ZFP64: variants seen among roughly 807,000 people sequenced by gnomAD.
ZFP64 encodes ZFP64 zinc finger protein.
Under a neutral mutation model 51.6 loss-of-function variants are expected in ZFP64, and 14 were observed. The observed-to-expected ratio is 0.27, with a 90% CI of 0.18 to 0.42. The LOEUF is 0.42. Ranked by LOEUF, ZFP64 falls within the 10% of genes least tolerant of loss-of-function variation. The pLI is 1.00. For synonymous variants in ZFP64, 375 were observed against 361.4 expected (o/e 1.04, Z -0.43); for missense variants, 754 against 906.8 (o/e 0.83, Z 2.16).
intron 5 of ZFP64, among the ~76,000 whole-genome samples, chr20:52,137,773 A>G (rs752413512): frequency 1.3e-5 from 2 of 152,152 alleles, no homozygotes; most frequent in Admixed American, 6.5e-5. Flanking sequence ...ATGAAGTCCA[A>G]AAGCTTCCTC....
chr20:52,124,645 C>T (rs1979360830), intron 5 of ZFP64, among the ~76,000 whole-genome samples: 1 of 151,790 alleles, frequency 6.6e-6, no homozygotes, highest in Non-Finnish European at 1.5e-5. Context: ...GGTCTTGCTC[C>T]ATCACCCAGC....
chr20:52,187,106 C>A (rs1204809987), intron 1 of ZFP64, 35 bp from the exon 2 acceptor site: 2 of 1,581,184 alleles, frequency 1.3e-6, no homozygotes, highest in Non-Finnish European at 1.7e-6. Flanking sequence ...CGGATTAATT[C>A]CAAACAGCTT....
rs763344719 is a variant in ZFP64, at chr20:52,152,175, G to A, written c.2017C>T (p.Leu673Phe). The A allele has an allele frequency of 6.2e-7, 1 of 1,614,148 alleles. No homozygotes were observed. The highest frequency in any genetic ancestry group is 1.7e-5 in the Admixed American group (1 of 60,034). The part of the protein sequence containing the change: ...IIQGAAHPAL[L>F]CPADSIPD ...TCTGGAATGGAGTCGGCGGGACAGA[G>A]CAAAGCTGGATGGGCTGCCCCTTGA... Residue 673 changes from leucine (L) to phenylalanine (F), a missense_variant, in exon 6 of 6, where the codon CTC becomes TTC. By Grantham distance (22) the Leu-to-Phe change is conservative. Transcript: ENST00000216923.
rs11469696 is a variant in ZFP64 at position 52,161,450 on chromosome 20, C to CTTTTTTTTTTTT, written c.512-1088_512-1077dup. On this transcript the variant is annotated intron_variant, in intron 4 of 5. Transcript: ENST00000216923. ...CCCAGGACCGTCTTGTGATTGCTTTCTTTTTTTTTTTTTTTTTTTTTGCCA... is the reference window on the plus strand; with the variant it reads ...CCCAGGACCGTCTTGTGATTGCTTTCTTTTTTTTTTTTTTTTTTTTTTTTTTTTTTTTTGCCA... 5.6e-4 allele frequency among the ~76,000 whole-genome samples: 64 copies of CTTTTTTTTTTTT among 115,180 alleles called. 1 individual carries two copies. Among genetic ancestry groups the CTTTTTTTTTTTT allele is most frequent in the African/African-American group, 2.0e-3 (61 of 30,034 alleles). The allele number at this position is 115,180 out of a possible 152,430, so 75.6% of individuals were successfully genotyped here.
intron 2 of ZFP64, among the ~76,000 whole-genome samples, chr20:52,178,908 C>T (rs772188578): frequency 2.6e-5 from 4 of 152,136 alleles, no homozygotes; most frequent in East Asian, 1.9e-4. Flanking sequence ...CTCCCCTCCC[C>T]GAGGGGCTTG....
At chr20:52,113,422 C>CTTTTTT (rs936439409) in intron 5 of ZFP64, among the ~76,000 whole-genome samples, 36 of 96,516 alleles carry the variant, frequency 3.7e-4, no homozygotes, top group African/African-American at 9.4e-4. Context: ...GCCAGGAATT[C>CTTTTTT]TTTTTTTTTT....
chr20:52,105,319 C>T lies in ZFP64; in HGVS notation c.764-6732G>A, dbSNP rs371035283. 19 of 1,254,490 alleles carry T rather than the reference C, an allele frequency of 1.5e-5. No individual in the cohort carries two copies. The South Asian group carries it at 3.1e-4, about 20-fold the overall frequency. 77.7% of individuals were successfully genotyped at this position (1,254,490 alleles called of 1,614,324 possible). On this transcript the variant is annotated intron_variant, in intron 5 of 8. Transcript: ENST00000361387. ...ATTCCCGGAGTTCGGAAATTACCCC[C>T]CTTCGGCCGGAACGCGCATGTCCCG...
intron 5 of ZFP64, among the ~76,000 whole-genome samples, chr20:52,156,176 T>C (rs1981304404): frequency 6.6e-6 from 1 of 152,244 alleles, no homozygotes; most frequent in Non-Finnish European, 1.5e-5. Context: ...ATTATGCCAA[T>C]GTCTGAACTT....
Position 52,137,613 on chromosome 20 carries a change from A to G in ZFP64, c.763+22510T>C, listed in dbSNP as rs150019218. ...AGAAACTATGGTGAACAATGAATGC[A>G]GTAATTTTTGGTTAAATCTAAATGG... On this transcript the variant is annotated intron_variant, in intron 5 of 8. Transcript: ENST00000361387. Among the ~76,000 whole-genome samples, 29 of 152,316 alleles carry G rather than the reference A, an allele frequency of 1.9e-4. No individual in the cohort carries two copies. The East Asian group carries it at 5.6e-3, about 29-fold the overall frequency.
chr20:52,174,729 A>G (rs1008045172), intron 2 of ZFP64, among the ~76,000 whole-genome samples: 5 of 152,172 alleles, frequency 3.3e-5, no homozygotes, highest in African/African-American at 9.7e-5. Flanking sequence ...TTATGAGTAA[A>G]ACCTGTCCAG....
chr20:52,084,553 T>C, exon 9 of ZFP64: 1 of 1,602,966 alleles, frequency 6.2e-7, no homozygotes, highest in Non-Finnish European at 8.5e-7. Flanking sequence ...CCTCTTCGGC[T>C]GAGCTAGAGG....
At chr20:52,100,149 C>A (rs2079035189) in intron 5 of ZFP64, among the ~76,000 whole-genome samples, 1 of 152,058 alleles carries the variant, frequency 6.6e-6, no homozygotes, top group Non-Finnish European at 1.5e-5. Context: ...ACCACCATGC[C>A]CGGCTAATTT....
At chr20:52,180,791 G>A (rs1049688832) in intron 2 of ZFP64, among the ~76,000 whole-genome samples, 25 of 152,126 alleles carry the variant, frequency 1.6e-4, no homozygotes, top group Non-Finnish European at 2.2e-4. Flanking sequence ...TTACTATTGT[G>A]GAAATGGAAA....
At chr20:52,112,379 C>G (rs568686837) in intron 5 of ZFP64, among the ~76,000 whole-genome samples, 3 of 152,092 alleles carry the variant, frequency 2.0e-5, no homozygotes, top group Admixed American at 1.3e-4. Flanking sequence ...CTTAACTAGG[C>G]AAAGTTACTG....
Position 52,151,862 on chromosome 20 carries a change from C to T in ZFP64, c.*284G>A. On this transcript the variant is annotated 3_prime_UTR_variant, in exon 6 of 6. Transcript: ENST00000216923. The stretch of plus-strand genomic sequence containing the variant: ...AGGTCAGGAGTTCAACATGATGAAA[C>T]CCCGTCTCTACTAAATATACAAAAA... 4.0e-6 allele frequency: 4 copies of T among 989,302 alleles called. No homozygotes were observed. The highest frequency in any genetic ancestry group is 5.2e-6 in the Non-Finnish European group (4 of 773,736). 61.3% of individuals were successfully genotyped at this position (989,302 alleles called of 1,614,324 possible).
intron 5 of ZFP64, among the ~76,000 whole-genome samples, chr20:52,139,945 G>C (rs1243921319): frequency 6.6e-6 from 1 of 151,346 alleles, no homozygotes; most frequent in African/African-American, 2.4e-5. Context: ...CTCACTTGGG[G>C]TCTCTGTGTC....
intron 7 of ZFP64, among the ~76,000 whole-genome samples, chr20:52,095,515 G>A (rs902331970): frequency 5.3e-5 from 8 of 152,094 alleles, no homozygotes; most frequent in Admixed American, 6.6e-5. Flanking sequence ...CTTCTGGGTC[G>A]TGCCCCAAGG....
chr20:52,094,543 T>C (rs1240498326), intron 7 of ZFP64, among the ~76,000 whole-genome samples: 2 of 152,146 alleles, frequency 1.3e-5, no homozygotes, highest in Non-Finnish European at 2.9e-5. Context: ...GGAAGATCAC[T>C]TGAGGCCAGG....
intron 2 of ZFP64, among the ~76,000 whole-genome samples, chr20:52,173,290 G>T (rs886808586): frequency 3.3e-5 from 5 of 152,156 alleles, no homozygotes; most frequent in African/African-American, 9.7e-5. Flanking sequence ...GAAAAGTTGA[G>T]AGAAGAAAAA....
Sources: allele counts gnomAD v4.1 joint callset (sites outside exome capture counted in the v4.1 genomes callset), GRCh38; gene constraint gnomAD v4.1.1; transcripts MANE v1.5; gene names NCBI Gene and HGNC (gene_info 2026-07-23, HGNC 2026-07-21).